EML6: variants seen among roughly 807,000 people sequenced by gnomAD.
EML6 encodes echinoderm microtubule-associated protein-like 6.
In EML6, 154 loss-of-function variants were observed where a neutral mutation model predicts 240.1. The observed-to-expected ratio is 0.64, with a 90% CI of 0.56 to 0.73. The LOEUF is 0.73. Ranked by LOEUF, EML6 falls within the 30% of genes least tolerant of loss-of-function variation. The pLI, the probability that EML6 is intolerant of heterozygous loss-of-function variation, is 0.00. For synonymous variants in EML6, 1,148 were observed against 899.0 expected (o/e 1.28, Z -4.95); for missense variants, 2,964 against 2,474.6 (o/e 1.20, Z -4.20).
At chr2:54,919,249 C>CG (rs374714175) in intron 26 of EML6, among the ~76,000 whole-genome samples, 14 of 145,166 alleles carry the variant, frequency 9.6e-5, no homozygotes, top group Middle Eastern at 3.5e-3. Flanking sequence ...GCTTCCCCCC[C>CG]CCCCCAATCC....
rs1343459941 is a variant in EML6, at chr2:54,907,278, AGGTG to A, written c.3410-3671_3410-3668del. 4.6e-5 allele frequency among the ~76,000 whole-genome samples: 7 copies of A among 152,286 alleles called. No individual in the cohort carries two copies. In the East Asian group the frequency reaches 1.3e-3, roughly 29 times the overall value. On this transcript the variant is annotated intron_variant, in intron 24 of 41. Transcript: ENST00000356458. ...GTATTCTCAGCACTTTGGGAGGCTG[AGGTG>A]GGTGACCTGAGGTGAGGAGTTTGAG...
At chr2:54,737,052 T>C (rs1683428656) in intron 2 of EML6, among the ~76,000 whole-genome samples, 1 of 152,180 alleles carries the variant, frequency 6.6e-6, no homozygotes, top group Admixed American at 6.5e-5. Flanking sequence ...GGTTGCTATA[T>C]ATAACAGTAT....
At chr2:54,955,011 T>G (rs1676166407) in intron 32 of EML6, among the ~76,000 whole-genome samples, 1 of 152,190 alleles carries the variant, frequency 6.6e-6, no homozygotes, top group Non-Finnish European at 1.5e-5. Flanking sequence ...ATCAGCACAC[T>G]GGGGGAAAGT....
At chr2:54,736,222 A>G (rs1227376103) in intron 2 of EML6, among the ~76,000 whole-genome samples, 4 of 152,254 alleles carry the variant, frequency 2.6e-5, no homozygotes, top group East Asian at 1.9e-4. Flanking sequence ...AAACAAGGCA[A>G]GAGAAGGCCA....
At chr2:54,956,203 T>C (rs1461687081) in intron 32 of EML6, among the ~76,000 whole-genome samples, 1 of 152,060 alleles carries the variant, frequency 6.6e-6, no homozygotes, top group Admixed American at 6.6e-5. Flanking sequence ...AAGGAAAATA[T>C]AAACAGTGGC....
intron 21 of EML6, among the ~76,000 whole-genome samples, chr2:54,896,511 A>C (rs559797717): frequency 6.6e-6 from 1 of 152,326 alleles, no homozygotes; most frequent in South Asian, 2.1e-4. Flanking sequence ...TAGGATGTGG[A>C]GGTGCGTTAG....
chr2:54,894,684 G>A lies in EML6; in HGVS notation c.2743-231G>A, dbSNP rs534197783. On this transcript the variant is annotated intron_variant, in intron 19 of 41. Transcript: ENST00000356458. ...CAGCTGCCAACCATTGTTCTGAGGA[G>A]AGTGCAGTGGACACATGCTGAGAAC... Among the ~76,000 whole-genome samples, 15 of 152,300 alleles carry A rather than the reference G, an allele frequency of 9.8e-5. No homozygotes were observed. The South Asian group carries it at 2.9e-3, about 29-fold the overall frequency.
At chr2:54,769,038 A>G (rs1468256581) in intron 2 of EML6, among the ~76,000 whole-genome samples, 1 of 152,218 alleles carries the variant, frequency 6.6e-6, no homozygotes, top group Non-Finnish European at 1.5e-5. Flanking sequence ...TAAGAACCAC[A>G]CTATCCAAGA....
In EML6 at chr2:54,954,087, A is replaced by G; in HGVS notation, c.4417A>G (p.Thr1473Ala). 6.4e-7 allele frequency: 1 copy of G among 1,551,064 alleles called. No individual in the cohort carries two copies. Among genetic ancestry groups the G allele is most frequent in the South Asian group, 1.2e-5 (1 of 83,960 alleles). Residue 1473 changes from threonine to alanine, a missense_variant, in exon 32 of 42, where the codon ACT becomes GCT. Thr to Ala is a moderately conservative substitution (Grantham distance 58). Coordinates refer to ENST00000356458, the MANE Select transcript of EML6 (RefSeq NM_001039753.4). Reference sequence around the variant, plus strand: ...GGTGAATTACATCAACTTCAGTGCAACTGGAAAGCTCCTGGTGTCGGTGGG... The same window carrying G: ...GGTGAATTACATCAACTTCAGTGCAGCTGGAAAGCTCCTGGTGTCGGTGGG... The part of the protein sequence containing the change: ...KGVNYINFSA[T>A]GKLLVSVGVD...
Position 54,767,672 on chromosome 2 carries a change from CT to C in EML6, c.197+42417del, listed in dbSNP as rs567344658. Among the ~76,000 whole-genome samples, 3 of 150,052 alleles carry C rather than the reference CT, an allele frequency of 2.0e-5. No individual in the cohort carries two copies. The East Asian group carries it at 6.0e-4, about 30-fold the overall frequency. On this transcript the variant is annotated intron_variant, in intron 2 of 41. Coordinates refer to ENST00000356458, the MANE Select transcript of EML6 (RefSeq NM_001039753.4). Reference sequence around the variant, plus strand: ...TGTTGCAAAAATATTGGAAGAAGTACTTTCTTTATTTTTTATTTTTTGTAGA... The same window carrying C: ...TGTTGCAAAAATATTGGAAGAAGTACTTCTTTATTTTTTATTTTTTGTAGA...
chr2:54,757,370 C>T (rs1478694751), intron 2 of EML6, among the ~76,000 whole-genome samples: 2 of 152,152 alleles, frequency 1.3e-5, no homozygotes, highest in Admixed American at 1.3e-4. Flanking sequence ...GGTGCACCGC[C>T]TTTGCAATGG....
chr2:54,792,493 C>T (rs1275564023), intron 2 of EML6, among the ~76,000 whole-genome samples: 1 of 152,190 alleles, frequency 6.6e-6, no homozygotes, highest in African/African-American at 2.4e-5. Flanking sequence ...ACACAAAAGC[C>T]TGTCTGTAAA....
At chr2:54,818,658 A>G (rs1279955415) in intron 4 of EML6, among the ~76,000 whole-genome samples, 9 of 152,182 alleles carry the variant, frequency 5.9e-5, no homozygotes, top group Admixed American at 5.9e-4. Context: ...ATATCATGTG[A>G]CTTGCCTGTA....
intron 17 of EML6, among the ~76,000 whole-genome samples, chr2:54,883,572 G>A (rs757406764): frequency 5.3e-5 from 8 of 152,126 alleles, no homozygotes; most frequent in Non-Finnish European, 8.8e-5. Flanking sequence ...GCTTGCTGGT[G>A]GGTTTATATG....
intron 28 of EML6, among the ~76,000 whole-genome samples, 152 bp from the exon 29 acceptor site, chr2:54,948,730 A>G (rs1675814792): frequency 6.6e-6 from 1 of 152,026 alleles, no homozygotes; most frequent in African/African-American, 2.4e-5. Context: ...GGGGAGTGAG[A>G]GAGGAGGGCA....
At chr2:54,827,470 G>A (rs1374111089) in intron 5 of EML6, 96 bp from the exon 6 acceptor site, 13 of 1,021,794 alleles carry the variant, frequency 1.3e-5, no homozygotes, top group Non-Finnish European at 1.9e-5. Context: ...CTTGGATAGA[G>A]CACATTATGT....
intron 16 of EML6, among the ~76,000 whole-genome samples, chr2:54,874,539 A>T (rs548651801): frequency 2.6e-5 from 4 of 152,326 alleles, no homozygotes; most frequent in African/African-American, 9.6e-5. Flanking sequence ...GCTTATGGAA[A>T]TTCACCTTTT....
intron 2 of EML6, among the ~76,000 whole-genome samples, chr2:54,809,176 TA>T (rs1300847379): frequency 6.6e-6 from 1 of 152,208 alleles, no homozygotes; most frequent in African/African-American, 2.4e-5. Flanking sequence ...CTGTCGTAGC[TA>T]AAATAACTTG....
At chr2:54,952,555 G>A in intron 30 of EML6, 39 bp from the exon 31 acceptor site, 1 of 1,397,544 alleles carries the variant, frequency 7.2e-7, no homozygotes, top group Non-Finnish European at 9.9e-7. Flanking sequence ...AAGGTCTTTA[G>A]GTTCCACTGT....
Sources: gnomAD v4.1 joint callset for allele counts (sites outside exome capture counted in the v4.1 genomes callset) on GRCh38, gnomAD v4.1.1 for gene constraint, MANE v1.5 for transcripts, NCBI Gene and HGNC (gene_info 2026-07-23, HGNC 2026-07-21) for gene names.